PHF11: variants seen among roughly 807,000 people sequenced by gnomAD.
PHF11 encodes the protein BRCA1 C-terminus-associated protein.
PHF11 carries 38 observed loss-of-function variants against 40.5 expected under a neutral mutation model. The ratio of observed to expected loss-of-function variants is 0.94; its 90% CI spans 0.72 to 1.23. PHF11 has a LOEUF of 1.23. Among genes scored for constraint, PHF11 ranks in the 50% most tolerant of loss-of-function variants. The pLI, the probability that PHF11 is intolerant of heterozygous loss-of-function variation, is 0.00. For missense variants in PHF11, 369 were observed against 392.4 expected (o/e 0.94, Z 0.50); for synonymous variants, 127 against 138.2 (o/e 0.92, Z 0.57).
chr13:49,508,734 T>G (rs1333402897), intron 2 of PHF11, among the ~76,000 whole-genome samples: 1 of 152,168 alleles, frequency 6.6e-6, no homozygotes, highest in Non-Finnish European at 1.5e-5. Flanking sequence ...AAGAACAATT[T>G]TATTTACTTA....
chr13:49,495,966 C>A lies in PHF11; in HGVS notation c.-36C>A. On this transcript the variant is annotated 5_prime_UTR_variant, in exon 1 of 10. Transcript: ENST00000378319. ...TGCAGCTGGGGCACTTCCGGGATCT[C>A]GCTATCCGGCCGCCACCCGCAGCTG... is the stretch of plus-strand genomic sequence containing the variant. 7.2e-7 allele frequency: 1 copy of A among 1,396,206 alleles called. No individual in the cohort carries two copies. The highest frequency in any genetic ancestry group is 9.7e-7 in the Non-Finnish European group (1 of 1,035,938). The allele number at this position is 1,396,206 out of a possible 1,614,324, so 86.5% of individuals were successfully genotyped here. A position where few individuals can be genotyped will look rare whatever the true frequency, so the allele number is the denominator to read the frequency against.
chr13:49,522,781 T>C (rs1294485981), intron 6 of PHF11, among the ~76,000 whole-genome samples: 1 of 135,902 alleles, frequency 7.4e-6, no homozygotes, highest in East Asian at 2.2e-4. Context: ...TTTTTTTTTT[T>C]TGAGACAGAG....
intron 1 of PHF11, among the ~76,000 whole-genome samples, chr13:49,500,852 C>T (rs775284795): frequency 1.3e-5 from 2 of 152,154 alleles, no homozygotes; most frequent in Non-Finnish European, 2.9e-5. Context: ...TACTTGGGAG[C>T]TCAGCTCAGG....
At chr13:49,523,679 C>T (rs973271721) in intron 7 of PHF11, 2 of 226,420 alleles carry the variant, frequency 8.8e-6, no homozygotes, top group African/African-American at 4.7e-5. Flanking sequence ...AATTCAACTA[C>T]ATATCGGGTA....
rs911988532 is a variant in PHF11 at position 49,495,997 on chromosome 13, C to T, written c.-5C>T. ...CCGGCCGCCACCCGCAGCTGCAGCA[C>T]AGTCATGGCCCAGGCGTCGCCGCCC... On this transcript the variant is annotated 5_prime_UTR_variant, in exon 1 of 10. Transcript: ENST00000378319. 4 of 1,490,800 alleles carry T rather than the reference C, an allele frequency of 2.7e-6. No individual in the cohort carries two copies. Among genetic ancestry groups the T allele is most frequent in the African/African-American group, 1.5e-5 (1 of 68,844 alleles). 92.3% of individuals were successfully genotyped at this position (1,490,800 alleles called of 1,614,324 possible).
intron 2 of PHF11, 75 bp downstream of exon 2, chr13:49,506,831 ACT>A: frequency 1.1e-6 from 1 of 918,734 alleles, no homozygotes; most frequent in Non-Finnish European, 1.6e-6. Context: ...GATAAACAAC[ACT>A]TTGGACACAA....
At chr13:49,499,329 G>A (rs776699850) in intron 1 of PHF11, among the ~76,000 whole-genome samples, 2 of 152,128 alleles carry the variant, frequency 1.3e-5, no homozygotes, top group African/African-American at 2.4e-5. Flanking sequence ...ATGCCTGCTG[G>A]GGGTCATTGT....
rs923110617 is a variant in PHF11 at position 49,500,744 on chromosome 13, T to C, written c.94+4649T>C. On this transcript the variant is annotated intron_variant, in intron 1 of 9. Transcript: ENST00000378319. The stretch of plus-strand genomic sequence containing the variant: ...GTCTAGCACAGCAGTGTTGTCAGCA[T>C]ATCTGTCTTGTCTGTCTTGTTCTTC... Among the ~76,000 whole-genome samples the C allele has an allele frequency of 5.9e-5, 9 of 152,330 alleles. No individual in the cohort carries two copies. In the South Asian group the frequency reaches 1.7e-3, roughly 28 times the overall value.
intron 1 of PHF11, among the ~76,000 whole-genome samples, chr13:49,498,033 T>G (rs1958841410): frequency 6.6e-6 from 1 of 152,210 alleles, no homozygotes; most frequent in Admixed American, 6.5e-5. Flanking sequence ...ATTCTTTCTC[T>G]ATAGTACTTA....
intron 8 of PHF11, 87 bp downstream of exon 8, chr13:49,524,303 G>T (rs74634646): frequency 6.5e-5 from 68 of 1,043,646 alleles, no homozygotes; most frequent in Non-Finnish European, 6.5e-5. Context: ...AAAAAAAAAG[G>T]CCCATTTTCT....
At chr13:49,523,468 C>T (rs1450150795) in intron 7 of PHF11, 1 of 527,248 alleles carries the variant, frequency 1.9e-6, no homozygotes, top group Admixed American at 3.8e-5. Flanking sequence ...AAAAGATAGA[C>T]TTCTATTAAT....
chr13:49,496,414 C>G (rs1958809407), intron 1 of PHF11: 2 of 1,096,646 alleles, frequency 1.8e-6, no homozygotes, highest in Middle Eastern at 3.9e-4. Context: ...CCACCACAAC[C>G]GATGTCAACT....
intron 1 of PHF11, among the ~76,000 whole-genome samples, chr13:49,503,850 A>T: frequency 6.6e-6 from 1 of 152,098 alleles, no homozygotes; most frequent in Non-Finnish European, 1.5e-5. Context: ...CTCGTGCCTC[A>T]GCCTCCCAAG....
intron 1 of PHF11, among the ~76,000 whole-genome samples, chr13:49,496,895 G>A (rs185569693): frequency 7.1e-6 from 1 of 140,024 alleles, no homozygotes; most frequent in Non-Finnish European, 1.5e-5. Context: ...GTGCAAAGGC[G>A]CTATCTCGGC....
chr13:49,519,276 TCA>T (rs1959176748), intron 4 of PHF11, among the ~76,000 whole-genome samples: 1 of 152,194 alleles, frequency 6.6e-6, no homozygotes, highest in African/African-American at 2.4e-5. Flanking sequence ...TGTTATAGTC[TCA>T]GAGTTTCATT....
chr13:49,523,123 ATT>A (rs1959198063), intron 6 of PHF11, 50 bp from the exon 7 acceptor site: 1 of 1,215,760 alleles, frequency 8.2e-7, no homozygotes, highest in Non-Finnish European at 1.2e-6. Flanking sequence ...ACTGGTTTTC[ATT>A]TTATGCAATA....
At chr13:49,511,503 T>C (rs1023286189) in intron 2 of PHF11, among the ~76,000 whole-genome samples, 1 of 152,110 alleles carries the variant, frequency 6.6e-6, no homozygotes, top group African/African-American at 2.4e-5. Flanking sequence ...ATTTTTTGTA[T>C]TTTTAGTAGG....
At position 49,522,204 on chromosome 13, in the gene PHF11, CCAAA is replaced by C. The variant is rs570534328; in HGVS notation, c.570+100_570+103del. On this transcript the variant is annotated intron_variant, in intron 6 of 9. Transcript: ENST00000378319. ...AGGTGAAAGGTACTTTCCAAATCGT[CCAAA>C]CAGAGAGCCTTTGAAGAACATTCTT... is the stretch of plus-strand genomic sequence containing the variant. 3.6e-3 allele frequency: 2,291 copies of C among 644,252 alleles called. 7 individuals carry two copies. The highest frequency in any genetic ancestry group is 5.5e-3 in the Non-Finnish European group (1,977 of 359,928). 39.9% of individuals were successfully genotyped at this position (644,252 alleles called of 1,614,324 possible).
At chr13:49,526,168 CAA>C (rs10573458) in intron 8 of PHF11, 21,564 of 334,868 alleles carry the variant, frequency 0.064, 575 homozygotes, top group African/African-American at 0.19. Flanking sequence ...GATTCTGTCT[CAA>C]AAAAAAAAAA....
Sources: gnomAD v4.1 joint callset for allele counts (sites outside exome capture counted in the v4.1 genomes callset) on GRCh38, gnomAD v4.1.1 for gene constraint, MANE v1.5 for transcripts, NCBI Gene and HGNC (gene_info 2026-07-23, HGNC 2026-07-21) for gene names.